The following SHC3 variants were observed in gnomAD, a reference collection of about 807,000 sequenced individuals.
The protein encoded by SHC3 is SHC adaptor protein 3.
A neutral mutation model predicts 60.4 loss-of-function variants in SHC3; 15 were observed. The observed-to-expected ratio is 0.25, with a 90% CI of 0.17 to 0.38. SHC3 has a LOEUF of 0.38. Ranked by LOEUF, SHC3 falls within the 10% of genes least tolerant of loss-of-function variation. The probability of loss-of-function intolerance (pLI) is 1.00; values close to 1 mark genes in which losing one functional copy is unlikely to be tolerated. For missense variants in SHC3, 677 were observed against 786.1 expected, an observed-to-expected ratio of 0.86 and a Z score of 1.66; for synonymous variants, 294 against 325.9, an observed-to-expected ratio of 0.90 and a Z score of 1.05.
intron 1 of SHC3, among the ~76,000 whole-genome samples, chr9:89,131,164 T>C (rs896755398): frequency 3.3e-5 from 5 of 152,012 alleles, no homozygotes; most frequent in Non-Finnish European, 5.9e-5. Context: ...CTAGGAGAAA[T>C]TGACAAATTC....
At chr9:89,177,847 G>A (rs1447421393) in intron 1 of SHC3, 140 bp downstream of exon 1, 1 of 1,089,896 alleles carries the variant, frequency 9.2e-7, no homozygotes, top group African/African-American at 1.7e-5. Context: ...CGAGCTGATT[G>A]CTAAGGAGTG....
chr9:89,020,625 C>T (rs769702367), intron 11 of SHC3, among the ~76,000 whole-genome samples: 5 of 152,194 alleles, frequency 3.3e-5, no homozygotes, highest in Non-Finnish European at 7.3e-5. Flanking sequence ...TACCGAAGCT[C>T]TTGCAGGGGC....
intron 11 of SHC3, among the ~76,000 whole-genome samples, chr9:89,017,359 C>T (rs1013453563): frequency 2.0e-5 from 3 of 152,216 alleles, no homozygotes; most frequent in Admixed American, 1.3e-4. Context: ...CTACAACCAT[C>T]TGATCTTTGA....
At chr9:89,088,264 G>C (rs572727899) in intron 2 of SHC3, among the ~76,000 whole-genome samples, 118 of 152,306 alleles carry the variant, frequency 7.7e-4, no homozygotes, top group African/African-American at 2.7e-3. Context: ...TTGCCAATCA[G>C]GAAAATCTTT....
intron 2 of SHC3, chr9:89,109,936 C>A: frequency 1.0e-6 from 1 of 985,420 alleles, no homozygotes; most frequent in Non-Finnish European, 1.2e-6. Context: ...TGACAGCTGA[C>A]CTGCATGTTC....
chr9:89,097,369 A>G (rs1188574716), intron 2 of SHC3, among the ~76,000 whole-genome samples: 1 of 152,236 alleles, frequency 6.6e-6, no homozygotes, highest in Non-Finnish European at 1.5e-5. Context: ...AAGCAGTAAA[A>G]TGAAAACATG....
intron 1 of SHC3, among the ~76,000 whole-genome samples, chr9:89,158,324 T>C (rs1053427987): frequency 1.3e-5 from 2 of 152,154 alleles, no homozygotes; most frequent in African/African-American, 2.4e-5. Flanking sequence ...GTTTTTCTAT[T>C]ATCAATTATT....
rs148205554 is a variant in SHC3, at chr9:89,033,362, A to C, written c.1656+4631T>G. Among the ~76,000 whole-genome samples the C allele has an allele frequency of 5.9e-5, 9 of 152,252 alleles. No homozygotes were observed. The East Asian group carries it at 1.7e-3, about 29-fold the overall frequency. ...GCTTTTTGTTTTTTTAAATATCTAA[A>C]ATTTTGAACTGAAATATTTATATTC... On this transcript the variant is annotated intron_variant, in intron 11 of 11. Transcript: ENST00000375835.
chr9:89,178,008 G>A lies in SHC3; in HGVS notation c.453C>T (p.Pro151=), dbSNP rs1248105315. 8.1e-7 allele frequency: 1 copy of A among 1,236,560 alleles called. No individual in the cohort carries two copies. The highest frequency in any genetic ancestry group is 1.6e-5 in the African/African-American group (1 of 64,204). The allele number at this position is 1,236,560 out of a possible 1,614,324, so 76.6% of individuals were successfully genotyped here. A position where few individuals can be genotyped will look rare whatever the true frequency, so the allele number is the denominator to read the frequency against. ...CCACCTTGACCACGTAGGTGACTCC[G>A]GGCCCCAGCACCTGGTCGCTGGCGT... The part of the protein sequence containing the change: ...APHASDQVLG[P]GVTYVVKYLG... Residue 151 remains proline, a synonymous_variant, in exon 1 of 12, where the codon CCC becomes CCT. Transcript: ENST00000375835. The surrounding 1 kb of genome is among the most constrained non-coding windows in gnomAD (Gnocchi z 6.9).
At chr9:89,016,992 C>CT (rs939722465) in intron 11 of SHC3, among the ~76,000 whole-genome samples, 59 of 152,130 alleles carry the variant, frequency 3.9e-4, no homozygotes, top group African/African-American at 8.4e-4. Flanking sequence ...AAAAAAAGGT[C>CT]TTTTTTTCCC....
intron 2 of SHC3, chr9:89,109,502 G>A: frequency 2.0e-6 from 2 of 985,498 alleles, no homozygotes; most frequent in Non-Finnish European, 2.4e-6. Context: ...TTTTCTGAGA[G>A]CATTTATAGA....
chr9:89,112,021 C>T (rs1252596415), intron 2 of SHC3, among the ~76,000 whole-genome samples: 1 of 152,162 alleles, frequency 6.6e-6, no homozygotes, highest in African/African-American at 2.4e-5. Context: ...AATACTGCCC[C>T]TGAAGAAGTT....
Position 89,045,001 on chromosome 9 carries a change from G to T in SHC3, c.1201+745C>A, listed in dbSNP as rs577432001. ...TGAAGCTGACCCTGAGTAAAGGGAA[G>T]GAGAACGAGACAAGGAAGGAAAGGC... On this transcript the variant is annotated intron_variant, in intron 9 of 11. Coordinates refer to ENST00000375835, the MANE Select transcript of SHC3 (RefSeq NM_016848.6). 3.0e-4 allele frequency among the ~76,000 whole-genome samples: 46 copies of T among 152,296 alleles called. No individual in the cohort carries two copies. In the South Asian group the frequency reaches 9.3e-3, roughly 31 times the overall value.
At chr9:89,040,574 G>C (rs117257609) in intron 10 of SHC3, among the ~76,000 whole-genome samples, 22 of 152,230 alleles carry the variant, frequency 1.4e-4, no homozygotes, top group Non-Finnish European at 1.9e-4. Context: ...CAGTAAAAAT[G>C]GTCTAACCAG....
intron 2 of SHC3, among the ~76,000 whole-genome samples, chr9:89,094,103 C>CAAAAAAAAAA (rs1160433992): frequency 2.7e-5 from 2 of 73,062 alleles, no homozygotes; most frequent in African/African-American, 5.1e-5. Context: ...GACTCTGTCT[C>CAAAAAAAAAA]AAAAAAAAAA....
chr9:89,084,527 T>C (rs1825497310), intron 2 of SHC3, among the ~76,000 whole-genome samples: 1 of 152,208 alleles, frequency 6.6e-6, no homozygotes, highest in African/African-American at 2.4e-5. Flanking sequence ...CCTTTCATGG[T>C]TTAAGTAACT....
intron 1 of SHC3, among the ~76,000 whole-genome samples, chr9:89,118,628 GA>G (rs1213185791): frequency 6.8e-4 from 95 of 140,662 alleles, no homozygotes; most frequent in Middle Eastern, 3.6e-3. Flanking sequence ...CCAGGAGTAG[GA>G]AAAAAAAAAA....
chr9:89,112,038 C>T (rs990500693), intron 2 of SHC3, among the ~76,000 whole-genome samples: 1 of 152,134 alleles, frequency 6.6e-6, no homozygotes, highest in Non-Finnish European at 1.5e-5. Flanking sequence ...AGTTTTGATT[C>T]TACTTGGTGG....
At chr9:89,036,885 C>T (rs919507383) in intron 11 of SHC3, among the ~76,000 whole-genome samples, 1 of 151,204 alleles carries the variant, frequency 6.6e-6, no homozygotes, top group Non-Finnish European at 1.5e-5. Flanking sequence ...TACAGGCAGT[C>T]GCCACCATGC....
Sources: gnomAD v4.1 joint callset for allele counts (sites outside exome capture counted in the v4.1 genomes callset) on GRCh38, gnomAD v4.1.1 for gene constraint, Gnocchi (gnomAD v3.1) non-coding constraint, MANE v1.5 for transcripts, NCBI Gene and HGNC (gene_info 2026-07-23, HGNC 2026-07-21) for gene names.